Variants in BLTP3B observed in about 807,000 individuals in gnomAD.
BLTP3B encodes bridge-like lipid transfer protein family member 3B.
At chr12:100,068,767 C>T in the BLTP3B span, among the ~76,000 whole-genome samples, 2 of 152,150 alleles carry the variant, frequency 1.3e-5, no homozygotes, top group Non-Finnish European at 2.9e-5. Context: ...CACTAATGAT[C>T]AGGGAAATGC....
the BLTP3B span, among the ~76,000 whole-genome samples, chr12:100,117,986 C>T: frequency 7.5e-6 from 1 of 132,632 alleles, no homozygotes; most frequent in African/African-American, 3.7e-5. Context: ...TTTTATACTA[C>T]TCTTATCAAT....
At chr12:100,063,700 C>T in the BLTP3B span, among the ~76,000 whole-genome samples, 15 of 137,980 alleles carry the variant, frequency 1.1e-4, no homozygotes, top group South Asian at 2.3e-4. Context: ...GAGTGAACTC[C>T]GTCTCAAAAA....
the BLTP3B span, among the ~76,000 whole-genome samples, chr12:100,130,616 G>A: frequency 2.6e-5 from 4 of 152,172 alleles, no homozygotes; most frequent in African/African-American, 9.6e-5. Flanking sequence ...TTGCAGCACA[G>A]CAAAAGTAAC....
the BLTP3B span, chr12:100,092,789 T>G: frequency 1.6e-6 from 1 of 616,420 alleles, no homozygotes; most frequent in African/African-American, 2.0e-5. Context: ...GCTACCAAAA[T>G]CTTCCTTGCA....
At chr12:100,053,275 C>T in the BLTP3B span, among the ~76,000 whole-genome samples, 6 of 145,592 alleles carry the variant, frequency 4.1e-5, no homozygotes, top group East Asian at 6.0e-4. Flanking sequence ...TGTGGTGGCA[C>T]GCATCTGTAA....
At chr12:100,054,556 A>G in the BLTP3B span, among the ~76,000 whole-genome samples, 1 of 152,150 alleles carries the variant, frequency 6.6e-6, no homozygotes, top group African/African-American at 2.4e-5. Flanking sequence ...TGATCATAGG[A>G]CAAAAATCCT....
chr12:100,120,317 G>A, the BLTP3B span, among the ~76,000 whole-genome samples: 2 of 152,084 alleles, frequency 1.3e-5, no homozygotes. Flanking sequence ...AGGTTTCAGT[G>A]AGCCAAGATC....
the BLTP3B span, among the ~76,000 whole-genome samples, chr12:100,078,534 T>C: frequency 2.0e-5 from 3 of 152,308 alleles, no homozygotes; most frequent in Middle Eastern, 6.8e-3. Context: ...CCACACTTGA[T>C]AGCCTAGTTG....
the BLTP3B span, chr12:100,072,726 C>T: frequency 1.2e-6 from 2 of 1,602,908 alleles, no homozygotes; most frequent in African/African-American, 1.3e-5. Context: ...ATATAGACAG[C>T]TGACATTTCT....
chr12:100,084,814 A>C, the BLTP3B span, among the ~76,000 whole-genome samples: 2 of 152,216 alleles, frequency 1.3e-5, no homozygotes, highest in South Asian at 4.1e-4. Flanking sequence ...TCGAAATATG[A>C]GTAAAACATT....
At chr12:100,053,101 G>A in the BLTP3B span, among the ~76,000 whole-genome samples, 7 of 151,700 alleles carry the variant, frequency 4.6e-5, no homozygotes, top group South Asian at 1.5e-3. Flanking sequence ...CCAAATTTGT[G>A]TTTTTTAAGA....
At chr12:100,083,091 T>C in the BLTP3B span, 7 of 1,613,858 alleles carry the variant, frequency 4.3e-6, no homozygotes, top group East Asian at 6.7e-5. Context: ...GTTGAGATAA[T>C]ACTGAAGGTG....
At chr12:100,108,093 C>A in the BLTP3B span, among the ~76,000 whole-genome samples, 1 of 149,522 alleles carries the variant, frequency 6.7e-6, no homozygotes, top group Non-Finnish European at 1.5e-5. Flanking sequence ...TATGAAAAAA[C>A]TATCTTTGAA....
the BLTP3B span, chr12:100,039,927 C>G: frequency 9.7e-6 from 6 of 615,610 alleles, no homozygotes; most frequent in Non-Finnish European, 1.4e-5. Flanking sequence ...GATAGAACAA[C>G]CAGTAAAACC....
chr12:100,043,129 T>C, the BLTP3B span, among the ~76,000 whole-genome samples: 13 of 152,232 alleles, frequency 8.5e-5, no homozygotes, highest in Non-Finnish European at 1.8e-4. Context: ...TTAAGCTATG[T>C]ACATTTTTTA....
At chr12:100,081,973 T>C in the BLTP3B span, among the ~76,000 whole-genome samples, 2,352 of 152,354 alleles carry the variant, frequency 0.015, 61 homozygotes, top group African/African-American at 0.053. Context: ...TTTAAATTCT[T>C]TGAGAAAACT....
the BLTP3B span, among the ~76,000 whole-genome samples, chr12:100,069,483 C>T: frequency 6.6e-6 from 1 of 151,450 alleles, no homozygotes; most frequent in African/African-American, 2.4e-5. Flanking sequence ...TATATACATA[C>T]ATGTGTGTAT....
the BLTP3B span, among the ~76,000 whole-genome samples, chr12:100,091,258 C>T: frequency 2.1e-5 from 3 of 143,002 alleles, no homozygotes; most frequent in Non-Finnish European, 4.5e-5. Flanking sequence ...GGCATGATCT[C>T]GGTTCACCGC....
chr12:100,126,012 T>C, the BLTP3B span, among the ~76,000 whole-genome samples: 1 of 152,154 alleles, frequency 6.6e-6, no homozygotes, highest in Non-Finnish European at 1.5e-5. Flanking sequence ...ACGCCTGTAA[T>C]CCCAACACTT....
Sources: gnomAD v4.1 joint callset for allele counts (sites outside exome capture counted in the v4.1 genomes callset) on GRCh38, gnomAD v4.1.1 for gene constraint, MANE v1.5 for transcripts, NCBI Gene and HGNC (gene_info 2026-07-23, HGNC 2026-07-21) for gene names.